The following ITGAL variants were observed in gnomAD, a reference collection of about 807,000 sequenced individuals.
ITGAL encodes the protein integrin subunit alpha L, also known as integrin alpha-L.
ITGAL carries 68 observed loss-of-function variants against 138.4 expected under a neutral mutation model. That is an observed-to-expected ratio of 0.49 (90% CI 0.40 to 0.60). The LOEUF (loss-of-function observed/expected upper bound fraction) is 0.60. Ranked by LOEUF, ITGAL falls within the 20% of genes least tolerant of loss-of-function variation. The pLI is 0.00. For missense variants in ITGAL, 1,256 were observed against 1,478.6 expected, an observed-to-expected ratio of 0.85 and a Z score of 2.47; for synonymous variants, 561 against 584.3, an observed-to-expected ratio of 0.96 and a Z score of 0.57.
chr16:30,477,957 G>T (rs1425548250), intron 4 of ITGAL, among the ~76,000 whole-genome samples: 2 of 150,122 alleles, frequency 1.3e-5, no homozygotes, highest in African/African-American at 4.9e-5. Context: ...AGGGAGGGAA[G>T]GAAGGAAGGG....
intron 1 of ITGAL, chr16:30,473,965 A>C: frequency 1.5e-6 from 1 of 670,872 alleles, no homozygotes; most frequent in Non-Finnish European, 2.7e-6. Context: ...TTTTTTGCAG[A>C]GAGGCCAAAC....
intron 30 of ITGAL, among the ~76,000 whole-genome samples, chr16:30,520,968 C>T (rs923411461): frequency 3.3e-5 from 5 of 152,080 alleles, no homozygotes; most frequent in Admixed American, 3.3e-4. Context: ...CCTGTAATCC[C>T]AGCTGCTCAG....
At chr16:30,484,740 G>A (rs1036421119) in intron 9 of ITGAL, among the ~76,000 whole-genome samples, 23 of 151,942 alleles carry the variant, frequency 1.5e-4, no homozygotes, top group Non-Finnish European at 2.5e-4. Context: ...CCAACATGGC[G>A]AAACCCCGTC....
In ITGAL at chr16:30,474,281, C is replaced by T. The variant is rs780124618; in HGVS notation, c.147C>T (p.Val49=). Residue 49 remains valine, a synonymous_variant, in exon 2 of 31, where the codon GTC becomes GTT. Coordinates refer to ENST00000356798, the MANE Select transcript of ITGAL (RefSeq NM_002209.3). ...CCGGGAGGCACTTTGGATACCGCGTCCTGCAGGTCGGAAACGGGTGAGCTG... is the reference window on the plus strand; with the variant it reads ...CCGGGAGGCACTTTGGATACCGCGTTCTGCAGGTCGGAAACGGGTGAGCTG... The part of the protein sequence containing the change: ...PRAGRHFGYR[V]LQVGNGVIVG... 36 of 1,606,840 alleles carry T rather than the reference C, an allele frequency of 2.2e-5. No homozygotes were observed. Among genetic ancestry groups the T allele is most frequent in the Non-Finnish European group, 2.8e-5 (33 of 1,176,630 alleles).
At chr16:30,510,747 G>A in intron 22 of ITGAL, 134 bp from the exon 23 acceptor site, 2 of 754,456 alleles carry the variant, frequency 2.7e-6, no homozygotes, top group Admixed American at 2.1e-5. Flanking sequence ...GCAATGGGTA[G>A]AATCCTAGCT....
At chr16:30,493,143 C>T (rs1412773253) in intron 11 of ITGAL, among the ~76,000 whole-genome samples, 1 of 152,062 alleles carries the variant, frequency 6.6e-6, no homozygotes, top group African/African-American at 2.4e-5. Flanking sequence ...ACCTCGGCTT[C>T]CCAAAATGTT....
At chr16:30,490,769 A>G (rs1191489049) in intron 11 of ITGAL, among the ~76,000 whole-genome samples, 1 of 152,086 alleles carries the variant, frequency 6.6e-6, no homozygotes, top group Non-Finnish European at 1.5e-5. Context: ...AGAGTTCAAG[A>G]CCAGCCTGGC....
chr16:30,518,144 G>C (rs1346991571), intron 28 of ITGAL, among the ~76,000 whole-genome samples: 1 of 152,038 alleles, frequency 6.6e-6, no homozygotes, highest in Non-Finnish European at 1.5e-5. Flanking sequence ...AATGGGGAGC[G>C]ACATATTAGG....
rs2051193875 is a variant in ITGAL, at chr16:30,517,887, G to A, written c.3124G>A (p.Glu1042Lys). Residue 1042 changes from glutamate to lysine, a missense_variant, in exon 28 of 31, where the codon GAG becomes AAG. Glu to Lys is a moderately conservative substitution (Grantham distance 56, BLOSUM62 1). Transcript: ENST00000356798. ...GATCGGGACTCTGGAGCTGGTGGGA[G>A]AGATCGAGGTAGTCCCCGCTCCTAA... ...QVIGTLELVGEIEASSMFSLC... is the reference protein window; with the variant it reads ...QVIGTLELVGKIEASSMFSLC... 6.2e-7 allele frequency: 1 copy of A among 1,613,794 alleles called. No homozygotes were observed. Among genetic ancestry groups the A allele is most frequent in the Admixed American group, 1.7e-5 (1 of 59,998 alleles).
At chr16:30,492,450 C>T (rs1282979110) in intron 11 of ITGAL, among the ~76,000 whole-genome samples, 4 of 151,064 alleles carry the variant, frequency 2.6e-5, no homozygotes, top group African/African-American at 9.7e-5. Flanking sequence ...TGGGGTTTCA[C>T]CATGTTGACC....
Position 30,475,312 on chromosome 16 carries a change from C to T in ITGAL, c.171C>T (p.Ile57=), listed in dbSNP as rs748368720. The T allele has an allele frequency of 1.8e-5, 29 of 1,612,600 alleles. No homozygotes were observed. In the South Asian group the frequency reaches 1.9e-4, roughly 10 times the overall value. ...YRVLQVGNGV[I]VGAPGEGNST... ...AGGTGAGATTTCTCACCAGGGTCAT[C>T]GTGGGAGCTCCAGGGGAGGGGAACA... The change falls in exon 3 of 31, where the codon ATC becomes ATT. Residue 57 remains isoleucine (I), a synonymous_variant. Coordinates refer to ENST00000356798, the MANE Select transcript of ITGAL (RefSeq NM_002209.3).
chr16:30,504,547 A>G (rs945078986), intron 18 of ITGAL, among the ~76,000 whole-genome samples: 4 of 151,878 alleles, frequency 2.6e-5, no homozygotes, highest in African/African-American at 9.7e-5. Context: ...TACAAAACAT[A>G]AAAAATTAGT....
Position 30,521,730 on chromosome 16 carries a change from C to T in ITGAL, c.*65C>T. On this transcript the variant is annotated 3_prime_UTR_variant, in exon 31 of 31. Transcript: ENST00000356798. ...CAGGATGCCCAGGGCCACTCTGCCT[C>T]TGCCTGCATTCTGCCGTGTGCCCTC... 6.6e-7 allele frequency: 1 copy of T among 1,518,496 alleles called. No homozygotes were observed. The highest frequency in any genetic ancestry group is 9.0e-7 in the Non-Finnish European group (1 of 1,111,408). 94.1% of individuals were successfully genotyped at this position (1,518,496 alleles called of 1,614,324 possible).
chr16:30,506,997 C>CA (rs1185682356), intron 21 of ITGAL, 141 bp downstream of exon 21: 32 of 871,770 alleles, frequency 3.7e-5, no homozygotes, highest in Non-Finnish European at 5.3e-6. Flanking sequence ...TCTGGGTTCC[C>CA]AGCCTCGAGC....
chr16:30,479,238 A>G (rs764285326), intron 5 of ITGAL, 30 bp downstream of exon 5: 49 of 1,613,150 alleles, frequency 3.0e-5, no homozygotes, highest in Non-Finnish European at 4.1e-5. Context: ...TTGGGTAAAA[A>G]TACCTCCAAA....
Position 30,521,745 on chromosome 16 carries a change from C to T in ITGAL, c.*80C>T, listed in dbSNP as rs1255175309. The T allele has an allele frequency of 9.9e-6, 14 of 1,415,168 alleles. No homozygotes were observed. The highest frequency in any genetic ancestry group is 9.0e-5 in the South Asian group (7 of 77,654). 87.7% of individuals were successfully genotyped at this position (1,415,168 alleles called of 1,614,324 possible). The stretch of plus-strand genomic sequence containing the variant: ...CACTCTGCCTCTGCCTGCATTCTGC[C>T]GTGTGCCCTCGGGCGAGTCACTGCC... On this transcript the variant is annotated 3_prime_UTR_variant, in exon 31 of 31. Coordinates refer to ENST00000356798, the MANE Select transcript of ITGAL (RefSeq NM_002209.3).
chr16:30,507,089 A>G (rs2051012710), intron 21 of ITGAL, among the ~76,000 whole-genome samples: 1 of 152,074 alleles, frequency 6.6e-6, no homozygotes. Context: ...TTGGGAGGCC[A>G]AGGCGGGCAG....
At chr16:30,513,152 G>A (rs1184218934) in intron 24 of ITGAL, among the ~76,000 whole-genome samples, 1 of 152,216 alleles carries the variant, frequency 6.6e-6, no homozygotes, top group East Asian at 1.9e-4. Flanking sequence ...ATTAGGGGAA[G>A]AGCTAAAAAG....
At chr16:30,485,609 T>C (rs931866506) in intron 9 of ITGAL, among the ~76,000 whole-genome samples, 2 of 151,954 alleles carry the variant, frequency 1.3e-5, no homozygotes, top group Non-Finnish European at 2.9e-5. Flanking sequence ...ACTGCAGCCT[T>C]GACCTTCCAG....
Sources: allele counts gnomAD v4.1 joint callset (sites outside exome capture counted in the v4.1 genomes callset), GRCh38; gene constraint gnomAD v4.1.1; transcripts MANE v1.5; gene names NCBI Gene and HGNC (gene_info 2026-07-23, HGNC 2026-07-21).